The following PAX2 variants were observed in gnomAD, a reference collection of about 807,000 sequenced individuals.
PAX2 encodes the protein paired box 2.
A neutral mutation model predicts 41.7 loss-of-function variants in PAX2; 9 were observed. That is an observed-to-expected ratio of 0.22 (90% CI 0.13 to 0.38). The LOEUF is 0.38. PAX2 is among the 10% of genes least tolerant of loss of function. The pLI is 1.00. For synonymous variants in PAX2, 221 were observed against 212.7 expected (o/e 1.04, Z -0.34); for missense variants, 418 against 531.6 (o/e 0.79, Z 2.10).
chr10:100,768,408 C>CA (rs1273460759), intron 3 of PAX2, among the ~76,000 whole-genome samples: 4 of 152,156 alleles, frequency 2.6e-5, no homozygotes, highest in African/African-American at 7.2e-5. Context: ...ATTTGCCCCC[C>CA]AAACCTACCA....
chr10:100,749,522 C>T, intron 1 of PAX2: 9 of 1,350,350 alleles, frequency 6.7e-6, no homozygotes, highest in South Asian at 2.1e-5. Flanking sequence ...GTCGCAAGGC[C>T]TGAGTCGCCC....
At chr10:100,799,510 C>T (rs1427071676) in intron 5 of PAX2, among the ~76,000 whole-genome samples, 2 of 152,206 alleles carry the variant, frequency 1.3e-5, no homozygotes, top group Non-Finnish European at 2.9e-5. Flanking sequence ...ATGATGGGTC[C>T]TTGACAGAGA....
chr10:100,809,013 T>C lies in PAX2; in HGVS notation c.793-97T>C, dbSNP rs544765350. On this transcript the variant is annotated intron_variant, in intron 6 of 9. Transcript: ENST00000355243. ...CCCCACCATCTCTTTCTACCCCATCTGGGCGGGCTCCCCTGTTCCTCCTCC... is the reference window on the plus strand; with the variant it reads ...CCCCACCATCTCTTTCTACCCCATCCGGGCGGGCTCCCCTGTTCCTCCTCC... The C allele has an allele frequency of 6.1e-5, 70 of 1,148,950 alleles. 1 individual carries two copies. The South Asian group carries it at 8.6e-4, about 14-fold the overall frequency. 71.2% of individuals were successfully genotyped at this position (1,148,950 alleles called of 1,614,324 possible).
rs1846088371 is a variant in PAX2 at position 100,768,147 on chromosome 10, GAGTCTC to G, written c.411-11350_411-11345del. Among the ~76,000 whole-genome samples, 7 of 152,188 alleles carry G rather than the reference GAGTCTC, an allele frequency of 4.6e-5. No homozygotes were observed. The South Asian group carries it at 1.4e-3, about 32-fold the overall frequency. On this transcript the variant is annotated intron_variant, in intron 3 of 9. Transcript: ENST00000355243. ...CCAGGAAGGGAACAATGATGGTGTAGAGTCTCGCTGTAGTTTACATATTTGACAGAA... is the reference window on the plus strand; with the variant it reads ...CCAGGAAGGGAACAATGATGGTGTAGGCTGTAGTTTACATATTTGACAGAA...
At chr10:100,739,189 C>T (rs1589797663) in intron 1 of PAX2, among the ~76,000 whole-genome samples, 2 of 152,082 alleles carry the variant, frequency 1.3e-5, no homozygotes, top group African/African-American at 4.8e-5. Context: ...CAAACCCAGG[C>T]GGGTCCCACG....
chr10:100,748,015 G>A lies in PAX2; in HGVS notation c.43+1712G>A. ...CGCAGCGCGGGCCCGCGGGCCGGTG[G>A]ACTGGTGGGTGAGACACCGCAGCCC... On this transcript the variant is annotated intron_variant, in intron 1 of 9. Coordinates refer to ENST00000355243, the MANE Select transcript of PAX2 (RefSeq NM_000278.5). This position sits in a 1 kb window ranked among gnomAD's most constrained non-coding sequence, Gnocchi z 5.0. The A allele has an allele frequency of 1.0e-6, 1 of 984,848 alleles. No homozygotes were observed. Among genetic ancestry groups the A allele is most frequent in the East Asian group, 1.2e-4 (1 of 8,586 alleles). 61.0% of individuals were successfully genotyped at this position (984,848 alleles called of 1,614,324 possible). A position where few individuals can be genotyped will look rare whatever the true frequency, so the allele number is the denominator to read the frequency against.
intron 5 of PAX2, among the ~76,000 whole-genome samples, chr10:100,803,060 C>G (rs1847622979): frequency 6.6e-6 from 1 of 152,126 alleles, no homozygotes; most frequent in Non-Finnish European, 1.5e-5. Flanking sequence ...AGCTGTCTTC[C>G]TTCTTTCCTT....
At chr10:100,756,758 C>T (rs768226521) in intron 3 of PAX2, among the ~76,000 whole-genome samples, 1 of 152,170 alleles carries the variant, frequency 6.6e-6, no homozygotes, top group African/African-American at 2.4e-5. Flanking sequence ...CTCATCCGAC[C>T]TGCCAGTTCT....
chr10:100,753,292 G>A lies in PAX2; in HGVS notation c.410+2401G>A, dbSNP rs188685163. Among the ~76,000 whole-genome samples, 108 of 152,298 alleles carry A rather than the reference G, an allele frequency of 7.1e-4. 1 individual carries two copies. Among genetic ancestry groups the A allele is most frequent in the Admixed American group, 6.9e-3 (106 of 15,296 alleles). On this transcript the variant is annotated intron_variant, in intron 3 of 9. Coordinates refer to ENST00000355243, the MANE Select transcript of PAX2 (RefSeq NM_000278.5). ...GAAAGAATTCTGGGGGCTTCCCTGT[G>A]TGCTGCTGAGTTGGGGCTGGAGAAA...
chr10:100,747,788 C>T (rs1845253109), intron 1 of PAX2: 3 of 985,012 alleles, frequency 3.0e-6, no homozygotes, highest in Non-Finnish European at 3.6e-6. Context: ...GCCGGAAAGC[C>T]TCGGTCCTTT....
At chr10:100,821,969 T>C (rs1848391961) in intron 7 of PAX2, among the ~76,000 whole-genome samples, 1 of 152,212 alleles carries the variant, frequency 6.6e-6, no homozygotes, top group Non-Finnish European at 1.5e-5. Flanking sequence ...AAATGCCATA[T>C]TATTAATCTC....
chr10:100,828,737 C>A lies in PAX2; in HGVS notation c.*1118C>A. The stretch of plus-strand genomic sequence containing the variant: ...GGGCTGCCCACTCCACTCCTCCCAT[C>A]CCCTCCCAGCCTCCTCCTCCGGCAG... On this transcript the variant is annotated 3_prime_UTR_variant, in exon 10 of 10. Transcript: ENST00000355243. This position sits in a 1 kb window ranked among gnomAD's most constrained non-coding sequence, Gnocchi z 6.5. 1 of 233,672 alleles carries A rather than the reference C, an allele frequency of 4.3e-6. No individual in the cohort carries two copies. Among genetic ancestry groups the A allele is most frequent in the Non-Finnish European group, 8.5e-6 (1 of 118,048 alleles). The allele number at this position is 233,672 out of a possible 1,614,324, so 14.5% of individuals were successfully genotyped here.
intron 5 of PAX2, among the ~76,000 whole-genome samples, chr10:100,788,615 G>A (rs1262856668): frequency 6.6e-6 from 1 of 152,166 alleles, no homozygotes; most frequent in Non-Finnish European, 1.5e-5. Flanking sequence ...GTCTCTCAGC[G>A]GCATTTTGGT....
chr10:100,809,261 G>A, intron 7 of PAX2, 25 bp downstream of exon 7: 1 of 1,609,566 alleles, frequency 6.2e-7, no homozygotes, highest in Non-Finnish European at 8.5e-7. Context: ...AGGAGGGTGG[G>A]GGCACTGCGT....
chr10:100,749,442 A>G, intron 1 of PAX2: 13 of 1,225,382 alleles, frequency 1.1e-5, no homozygotes, highest in Non-Finnish European at 1.3e-5. Context: ...CCCCTTTGGC[A>G]TTTTCTCCCC....
In PAX2 at chr10:100,750,331, G is replaced by A. The variant is rs1845391104; in HGVS notation, c.213-363G>A. On this transcript the variant is annotated intron_variant, in intron 2 of 9. Transcript: ENST00000355243. The surrounding 1 kb of genome is among the most constrained non-coding windows in gnomAD (Gnocchi z 4.1). Reference sequence around the variant, plus strand: ...GGTTCCCACAGATGCTCTGTGCCCAGTAGGAAAGGGCTCGAGGTGGTGCCT... The same window carrying A: ...GGTTCCCACAGATGCTCTGTGCCCAATAGGAAAGGGCTCGAGGTGGTGCCT... Among the ~76,000 whole-genome samples, 1 of 152,144 alleles carries A rather than the reference G, an allele frequency of 6.6e-6. No individual in the cohort carries two copies. The highest frequency in any genetic ancestry group is 6.5e-5 in the Admixed American group (1 of 15,288).
rs1413981113 is a variant in PAX2 at position 100,791,879 on chromosome 10, C to T, written c.616+10514C>T. On this transcript the variant is annotated intron_variant, in intron 5 of 9. Transcript: ENST00000355243. This position sits in a 1 kb window ranked among gnomAD's most constrained non-coding sequence, Gnocchi z 4.5. ...CTGGTGGTGTGGGGAGCCGAGGGCA[C>T]TGTGGGCCACCTGGGGCAGCCAGCT... is the stretch of plus-strand genomic sequence containing the variant. Among the ~76,000 whole-genome samples the T allele has an allele frequency of 6.6e-6, 1 of 152,202 alleles. No individual in the cohort carries two copies. Among genetic ancestry groups the T allele is most frequent in the Admixed American group, 6.5e-5 (1 of 15,286 alleles).
chr10:100,810,789 G>A (rs1181949345), intron 7 of PAX2, among the ~76,000 whole-genome samples: 2 of 152,178 alleles, frequency 1.3e-5, no homozygotes, highest in Admixed American at 1.3e-4. Context: ...CTTCAGGGTA[G>A]GGCTCCTGCC....
In PAX2 at chr10:100,827,799, A is replaced by G; in HGVS notation, c.*180A>G. 1 of 923,732 alleles carries G rather than the reference A, an allele frequency of 1.1e-6. No homozygotes were observed. Among genetic ancestry groups the G allele is most frequent in the Non-Finnish European group, 1.7e-6 (1 of 599,412 alleles). The allele number at this position is 923,732 out of a possible 1,614,324, so 57.2% of individuals were successfully genotyped here. On this transcript the variant is annotated 3_prime_UTR_variant, in exon 10 of 10. Transcript: ENST00000355243. The surrounding 1 kb of genome is among the most constrained non-coding windows in gnomAD (Gnocchi z 8.5). ...TCACATCACCCCCCTCGAAGGTCGG[A>G]CAGGACGGGTGGAGCCGTGGGCGGG... is the stretch of plus-strand genomic sequence containing the variant.
Sources: allele counts gnomAD v4.1 joint callset (sites outside exome capture counted in the v4.1 genomes callset), GRCh38; gene constraint gnomAD v4.1.1; non-coding constraint Gnocchi (gnomAD v3.1); transcripts MANE v1.5; gene names NCBI Gene and HGNC (gene_info 2026-07-23, HGNC 2026-07-21).